Variants in GULP1 observed in about 807,000 individuals in gnomAD.
GULP1 encodes the protein PTB domain-containing engulfment adapter protein 1.
In GULP1, 19 loss-of-function variants were observed where a neutral mutation model predicts 40.9. The observed-to-expected ratio is 0.46, with a 90% CI of 0.32 to 0.68. The LOEUF is 0.68. Ranked by LOEUF, GULP1 falls within the 30% of genes least tolerant of loss-of-function variation. The pLI is 0.03. For missense variants in GULP1, 312 were observed against 362.2 expected (o/e 0.86, Z 1.12); for synonymous variants, 119 against 117.6 (o/e 1.01, Z -0.08).
chr2:188,350,082 G>T (rs1184003928), intron 1 of GULP1, among the ~76,000 whole-genome samples: 1 of 152,122 alleles, frequency 6.6e-6, no homozygotes, highest in Admixed American at 6.5e-5. Context: ...CTAGATTTAT[G>T]CCAGGACCAC....
At chr2:188,428,653 A>G (rs765358020) in intron 2 of GULP1, among the ~76,000 whole-genome samples, 25 of 152,032 alleles carry the variant, frequency 1.6e-4, no homozygotes, top group Non-Finnish European at 3.2e-4. Context: ...TTCCATGATT[A>G]TATGTTTTCT....
chr2:188,464,679 G>A (rs889293798), intron 2 of GULP1, among the ~76,000 whole-genome samples: 32 of 152,242 alleles, frequency 2.1e-4, no homozygotes, highest in African/African-American at 7.0e-4. Flanking sequence ...AAGTCCACTT[G>A]TTGTTCTATT....
intron 2 of GULP1, among the ~76,000 whole-genome samples, chr2:188,399,428 G>A (rs1331386382): frequency 6.6e-6 from 1 of 152,064 alleles, no homozygotes; most frequent in African/African-American, 2.4e-5. Flanking sequence ...GTTCTCAAAA[G>A]ACTGCCTGTA....
chr2:188,385,700 T>A (rs1241834980), intron 2 of GULP1, among the ~76,000 whole-genome samples: 2 of 152,120 alleles, frequency 1.3e-5, no homozygotes, highest in East Asian at 3.9e-4. Flanking sequence ...GCTTAGACAT[T>A]CCTTCCTCCA....
intron 7 of GULP1, among the ~76,000 whole-genome samples, chr2:188,568,857 C>T (rs1481574215): frequency 6.6e-6 from 1 of 152,108 alleles, no homozygotes; most frequent in East Asian, 1.9e-4. Context: ...AGAGAAACTA[C>T]ATTTGGCACT....
chr2:188,329,560 G>A (rs2041261491), intron 1 of GULP1, among the ~76,000 whole-genome samples: 1 of 152,106 alleles, frequency 6.6e-6, no homozygotes, highest in South Asian at 2.1e-4. Flanking sequence ...AGGAAATTAA[G>A]TCAGAGAGGT....
At chr2:188,393,649 G>A (rs139712618) in intron 2 of GULP1, among the ~76,000 whole-genome samples, 27 of 152,110 alleles carry the variant, frequency 1.8e-4, no homozygotes, top group Middle Eastern at 3.4e-3. Flanking sequence ...TTTCTTCTTT[G>A]TTATTGTTTT....
At chr2:188,540,377 TA>T (rs1305300571) in intron 6 of GULP1, among the ~76,000 whole-genome samples, 1 of 151,800 alleles carries the variant, frequency 6.6e-6, no homozygotes, top group Non-Finnish European at 1.5e-5. Flanking sequence ...TTATTTTATA[TA>T]AATATTTTTA....
chr2:188,533,770 A>G (rs776033221), intron 6 of GULP1, among the ~76,000 whole-genome samples: 2 of 152,220 alleles, frequency 1.3e-5, no homozygotes, highest in Admixed American at 1.3e-4. Flanking sequence ...AAGGAACTTA[A>G]ACAATTGAAC....
At chr2:188,584,151 T>A (rs1398603215) in intron 9 of GULP1, 114 bp from the exon 10 acceptor site, 1 of 696,056 alleles carries the variant, frequency 1.4e-6, no homozygotes, top group Admixed American at 2.6e-5. Context: ...AATGGCAAAT[T>A]CTTATGATGC....
At position 188,312,970 on chromosome 2, in the gene GULP1, GTTT is replaced by G. The variant is rs201030515; in HGVS notation, c.-172+20809_-172+20811del. Among the ~76,000 whole-genome samples the G allele has an allele frequency of 2.0e-5, 3 of 151,808 alleles. No individual in the cohort carries two copies. The East Asian group carries it at 5.8e-4, about 30-fold the overall frequency. On this transcript the variant is annotated intron_variant, in intron 1 of 11. Coordinates refer to ENST00000409830, the MANE Select transcript of GULP1 (RefSeq NM_016315.4). ...TGCCCACTTTTTGATGGGGTTGTTT[GTTT>G]TTTTCCTGTAAATTTGTTTAAGTTC...
At chr2:188,473,889 A>T (rs965635917) in intron 2 of GULP1, among the ~76,000 whole-genome samples, 4 of 152,148 alleles carry the variant, frequency 2.6e-5, no homozygotes, top group Non-Finnish European at 5.9e-5. Flanking sequence ...GCTGAGTCTC[A>T]CTTGAAGCCA....
chr2:188,492,025 G>A (rs73978241), intron 4 of GULP1, among the ~76,000 whole-genome samples: 70 of 151,770 alleles, frequency 4.6e-4, no homozygotes, highest in African/African-American at 1.5e-3. Flanking sequence ...TTTCATAAAC[G>A]TAAACATAGA....
chr2:188,428,668 C>T (rs1274610081), intron 2 of GULP1, among the ~76,000 whole-genome samples: 1 of 152,080 alleles, frequency 6.6e-6, no homozygotes, highest in African/African-American at 2.4e-5. Context: ...TTTTCTGAGG[C>T]CTCCCCTGAA....
chr2:188,551,360 T>C (rs1447690402), intron 7 of GULP1, among the ~76,000 whole-genome samples: 1 of 151,748 alleles, frequency 6.6e-6, no homozygotes, highest in Admixed American at 6.6e-5. Context: ...TATCCATCTT[T>C]CTACTCTCTA....
At chr2:188,398,406 G>A (rs937037692) in intron 2 of GULP1, among the ~76,000 whole-genome samples, 5 of 152,162 alleles carry the variant, frequency 3.3e-5, no homozygotes, top group Admixed American at 2.6e-4. Flanking sequence ...ACTTTTTAGA[G>A]TGTCTGTTTA....
At position 188,507,975 on chromosome 2, in the gene GULP1, G is replaced by T. The variant is rs1027842148; in HGVS notation, c.91-14781G>T. On this transcript the variant is annotated intron_variant, in intron 4 of 11. Coordinates refer to ENST00000409830, the MANE Select transcript of GULP1 (RefSeq NM_016315.4). Reference sequence around the variant, plus strand: ...TATAGTTCTGTATATATAAAGGGAAGTTTTTTATATAATTTGGGATTATAG... The same window carrying T: ...TATAGTTCTGTATATATAAAGGGAATTTTTTTATATAATTTGGGATTATAG... Among the ~76,000 whole-genome samples the T allele has an allele frequency of 7.8e-4, 119 of 151,870 alleles. 1 individual carries two copies. The highest frequency in any genetic ancestry group is 2.2e-4 in the Non-Finnish European group (15 of 67,922).
At chr2:188,533,450 C>T (rs920147312) in intron 6 of GULP1, among the ~76,000 whole-genome samples, 7 of 152,124 alleles carry the variant, frequency 4.6e-5, no homozygotes, top group Admixed American at 3.9e-4. Flanking sequence ...AAACTGGACC[C>T]TTACCTTTCA....
chr2:188,528,956 T>C (rs774466650), intron 5 of GULP1, 141 bp from the exon 6 acceptor site: 3 of 530,246 alleles, frequency 5.7e-6, no homozygotes, highest in Non-Finnish European at 1.0e-5. Flanking sequence ...ATTGAGACTA[T>C]CTTTATAAAA....
Sources: allele counts gnomAD v4.1 joint callset (sites outside exome capture counted in the v4.1 genomes callset), GRCh38; gene constraint gnomAD v4.1.1; transcripts MANE v1.5; gene names NCBI Gene and HGNC (gene_info 2026-07-23, HGNC 2026-07-21).